Variants in FAF1 observed in about 807,000 individuals in gnomAD.
The protein encoded by FAF1 is FAS-associated factor 1.
In FAF1, 25 loss-of-function variants were observed where a neutral mutation model predicts 92.5. The observed-to-expected ratio is 0.27, with a 90% CI of 0.20 to 0.38. The LOEUF (loss-of-function observed/expected upper bound fraction) is 0.38, where lower values mean the gene tolerates loss of function less well. FAF1 is among the 10% of genes least tolerant of loss of function. FAF1 has a pLI of 1.00. For missense variants in FAF1, 636 were observed against 793.3 expected (o/e 0.80, Z 2.38); for synonymous variants, 234 against 273.2 (o/e 0.86, Z 1.42).
chr1:50,950,250 G>A (rs1348244426), intron 1 of FAF1, among the ~76,000 whole-genome samples: 2 of 152,194 alleles, frequency 1.3e-5, no homozygotes, highest in Non-Finnish European at 2.9e-5. Context: ...AACAGCTACA[G>A]CCAGTCTACC....
At chr1:50,810,812 G>A (rs1376558844) in intron 2 of FAF1, among the ~76,000 whole-genome samples, 1 of 152,194 alleles carries the variant, frequency 6.6e-6, no homozygotes, top group African/African-American at 2.4e-5. Flanking sequence ...ACTCTGGGAG[G>A]CCGAGATGGG....
chr1:50,677,871 C>A lies in FAF1; in HGVS notation c.658-22343G>T, dbSNP rs146514804. Among the ~76,000 whole-genome samples, 90 of 134,592 alleles carry A rather than the reference C, an allele frequency of 6.7e-4. No homozygotes were observed. The East Asian group carries it at 0.018, about 27-fold the overall frequency. The allele number at this position is 134,592 out of a possible 152,430, so 88.3% of individuals were successfully genotyped here. A position where few individuals can be genotyped will look rare whatever the true frequency, so the allele number is the denominator to read the frequency against. On this transcript the variant is annotated intron_variant, in intron 7 of 18. Coordinates refer to ENST00000396153, the MANE Select transcript of FAF1 (RefSeq NM_007051.3). The stretch of plus-strand genomic sequence containing the variant: ...GATTACACCATTGCACTCCAGTCTG[C>A]GCAACAAGAACAAAACTCTGCCTCA...
intron 1 of FAF1, among the ~76,000 whole-genome samples, chr1:50,907,010 G>A (rs938411953): frequency 2.6e-5 from 4 of 152,190 alleles, no homozygotes; most frequent in African/African-American, 9.7e-5. Context: ...GATATTGGCT[G>A]TGGGTTTGTC....
rs1257018016 is a variant in FAF1 at position 50,724,302 on chromosome 1, C to CACACACACATAT, written c.551+14560_551+14561insATATGTGTGTGT. Among the ~76,000 whole-genome samples, 28 of 130,308 alleles carry CACACACACATAT rather than the reference C, an allele frequency of 2.1e-4. 1 individual carries two copies. Among genetic ancestry groups the CACACACACATAT allele is most frequent in the African/African-American group, 7.9e-4 (27 of 34,000 alleles). 85.5% of individuals were successfully genotyped at this position (130,308 alleles called of 152,430 possible). A position where few individuals can be genotyped will look rare whatever the true frequency, so the allele number is the denominator to read the frequency against. The stretch of plus-strand genomic sequence containing the variant: ...ACACACACACACACACACATACACA[C>CACACACACATAT]ACACACACACACACACACACACACA... On this transcript the variant is annotated intron_variant, in intron 6 of 18. Transcript: ENST00000396153.
intron 1 of FAF1, among the ~76,000 whole-genome samples, chr1:50,903,364 A>G (rs961190631): frequency 1.3e-5 from 2 of 152,170 alleles, no homozygotes; most frequent in African/African-American, 2.4e-5. Flanking sequence ...CTTATAAATT[A>G]TAATGATTAG....
chr1:50,468,761 A>G (rs1646533219), intron 18 of FAF1, among the ~76,000 whole-genome samples: 1 of 151,722 alleles, frequency 6.6e-6, no homozygotes, highest in African/African-American at 2.4e-5. Flanking sequence ...GCCCGGCCTA[A>G]TTTTTGTATT....
At position 50,861,288 on chromosome 1, in the gene FAF1, C is replaced by T. The variant is rs143255468; in HGVS notation, c.46-3291G>A. Among the ~76,000 whole-genome samples, 500 of 151,894 alleles carry T rather than the reference C, an allele frequency of 3.3e-3. 2 individuals carry two copies. The highest frequency in any genetic ancestry group is 0.011 in the African/African-American group (459 of 41,458). ...GCTATGGATTGAATATCTGTATCCT[C>T]CTATGGTGACATCCTAAAATCCACT... On this transcript the variant is annotated intron_variant, in intron 1 of 18. Coordinates refer to ENST00000396153, the MANE Select transcript of FAF1 (RefSeq NM_007051.3).
chr1:50,672,945 G>A (rs1455449520), intron 7 of FAF1, among the ~76,000 whole-genome samples: 5 of 151,732 alleles, frequency 3.3e-5, no homozygotes, highest in African/African-American at 1.2e-4. Context: ...TGGCAAAACC[G>A]TGTCTCTACA....
chr1:50,587,326 A>C (rs1651282817), intron 9 of FAF1, among the ~76,000 whole-genome samples: 1 of 152,182 alleles, frequency 6.6e-6, no homozygotes, highest in Non-Finnish European at 1.5e-5. Flanking sequence ...TCCTATAACC[A>C]CAACATCTTC....
In FAF1 at chr1:50,726,816, G is replaced by A. The variant is rs555493662; in HGVS notation, c.551+12047C>T. On this transcript the variant is annotated intron_variant, in intron 6 of 18. Coordinates refer to ENST00000396153, the MANE Select transcript of FAF1 (RefSeq NM_007051.3). ...TGCACTCCAACCTGGGTGACAGAGC[G>A]AGACTCTGTCTCAAAAAAGAAAGAA... is the stretch of plus-strand genomic sequence containing the variant. Among the ~76,000 whole-genome samples the A allele has an allele frequency of 7.9e-5, 12 of 152,274 alleles. No homozygotes were observed. The South Asian group carries it at 1.2e-3, about 16-fold the overall frequency.
At chr1:50,700,087 C>T (rs181786683) in intron 7 of FAF1, among the ~76,000 whole-genome samples, 1 of 152,064 alleles carries the variant, frequency 6.6e-6, no homozygotes, top group East Asian at 1.9e-4. Context: ...CCAAAAATAA[C>T]GCACTTGAAA....
At chr1:50,846,752 C>G in intron 2 of FAF1, 2 of 701,160 alleles carry the variant, frequency 2.9e-6, no homozygotes, top group South Asian at 2.7e-5. Flanking sequence ...TTGTCAAACA[C>G]CCTCTGACCC....
In FAF1 at chr1:50,686,671, T is replaced by A. The variant is rs1212260242; in HGVS notation, c.657+19115A>T. On this transcript the variant is annotated intron_variant, in intron 7 of 18. Transcript: ENST00000396153. ...TATAAACTATGGTTCCATAAAACTATCCAGTGCTTAATATCAAACTCAAGA... is the reference window on the plus strand; with the variant it reads ...TATAAACTATGGTTCCATAAAACTAACCAGTGCTTAATATCAAACTCAAGA... Among the ~76,000 whole-genome samples, 3 of 152,038 alleles carry A rather than the reference T, an allele frequency of 2.0e-5. No homozygotes were observed. The East Asian group carries it at 5.8e-4, about 29-fold the overall frequency.
intron 17 of FAF1, among the ~76,000 whole-genome samples, chr1:50,482,118 A>G (rs1308816531): frequency 1.3e-5 from 2 of 152,168 alleles, no homozygotes; most frequent in East Asian, 3.8e-4. Flanking sequence ...GAAGAGTTCT[A>G]TTACCTCTCT....
intron 8 of FAF1, among the ~76,000 whole-genome samples, chr1:50,605,686 G>A (rs2124117202): frequency 6.6e-6 from 1 of 152,148 alleles, no homozygotes; most frequent in East Asian, 1.9e-4. Flanking sequence ...TCTGGTGGAG[G>A]GCAGAAGAGG....
At chr1:50,596,255 G>A (rs545524761) in intron 8 of FAF1, 39 bp from the exon 9 acceptor site, 43 of 1,422,432 alleles carry the variant, frequency 3.0e-5, no homozygotes, top group South Asian at 9.5e-5. Context: ...AACAAAATAC[G>A]GCCATGTTTC....
At chr1:50,808,741 A>G (rs1467184119) in intron 2 of FAF1, among the ~76,000 whole-genome samples, 1 of 151,834 alleles carries the variant, frequency 6.6e-6, no homozygotes, top group Non-Finnish European at 1.5e-5. Flanking sequence ...TGATCTCATT[A>G]GTTTCAAAGA....
chr1:50,536,248 C>T (rs1648474944), intron 14 of FAF1, among the ~76,000 whole-genome samples: 1 of 152,100 alleles, frequency 6.6e-6, no homozygotes, highest in South Asian at 2.1e-4. Flanking sequence ...CCATAACAAA[C>T]ATATAGCACA....
At chr1:50,884,914 C>A (rs1241591958) in intron 1 of FAF1, among the ~76,000 whole-genome samples, 1 of 152,092 alleles carries the variant, frequency 6.6e-6, no homozygotes, top group Non-Finnish European at 1.5e-5. Context: ...CTTTTCTTTG[C>A]TGGCAGATTT....
Sources: gnomAD v4.1 joint callset for allele counts (sites outside exome capture counted in the v4.1 genomes callset) on GRCh38, gnomAD v4.1.1 for gene constraint, MANE v1.5 for transcripts, NCBI Gene and HGNC (gene_info 2026-07-23, HGNC 2026-07-21) for gene names.